Variants in DLG2 observed in about 807,000 individuals in gnomAD.
DLG2 encodes disks large homolog 2.
DLG2 carries 45 observed loss-of-function variants against 132.5 expected under a neutral mutation model. The ratio of observed to expected loss-of-function variants is 0.34; its 90% CI spans 0.27 to 0.44. The LOEUF is 0.44. Ranked by LOEUF, DLG2 falls within the 20% of genes least tolerant of loss-of-function variation. The pLI, the probability that DLG2 is intolerant of heterozygous loss-of-function variation, is 1.00. For synonymous variants in DLG2, 424 were observed against 419.6 expected (o/e 1.01, Z -0.13); for missense variants, 1,045 against 1,196.9 (o/e 0.87, Z 1.87).
rs187808890 is a variant in DLG2, at chr11:83,564,452, T to C, written c.1941-22594A>G. Among the ~76,000 whole-genome samples, 9 of 152,290 alleles carry C rather than the reference T, an allele frequency of 5.9e-5. No individual in the cohort carries two copies. In the East Asian group the frequency reaches 1.7e-3, roughly 29 times the overall value. On this transcript the variant is annotated intron_variant, in intron 19 of 27. Coordinates refer to ENST00000376104, the MANE Select transcript of DLG2 (RefSeq NM_001142699.3). The stretch of plus-strand genomic sequence containing the variant: ...CTTCACAAGGTTGCTACCTGTAAAT[T>C]GGATATTTCACTCCAGGATCTAAGT...
intron 6 of DLG2, among the ~76,000 whole-genome samples, chr11:84,671,166 C>A (rs1345048391): frequency 6.6e-6 from 1 of 151,772 alleles, no homozygotes; most frequent in Non-Finnish European, 1.5e-5. Context: ...GAGATCACAG[C>A]TCACTGCAGC....
intron 18 of DLG2, among the ~76,000 whole-genome samples, chr11:83,697,506 A>T (rs760574620): frequency 6.6e-6 from 1 of 152,200 alleles, no homozygotes; most frequent in African/African-American, 2.4e-5. Context: ...GACCACACTT[A>T]GTTCTTTAAG....
intron 6 of DLG2, among the ~76,000 whole-genome samples, chr11:84,968,153 A>C (rs2053581878): frequency 6.6e-6 from 1 of 152,222 alleles, no homozygotes; most frequent in South Asian, 2.1e-4. Flanking sequence ...GCCATAAGAC[A>C]TCCATGTAGT....
chr11:85,201,934 A>G (rs896889045), intron 4 of DLG2, among the ~76,000 whole-genome samples: 2 of 152,178 alleles, frequency 1.3e-5, no homozygotes, highest in Admixed American at 6.5e-5. Context: ...TAAAAATACA[A>G]TGAATGAAAT....
intron 3 of DLG2, among the ~76,000 whole-genome samples, chr11:85,477,130 G>A (rs1462479646): frequency 6.6e-6 from 1 of 152,090 alleles, no homozygotes; most frequent in African/African-American, 2.4e-5. Context: ...AATCATACAT[G>A]TAGTCGGCTG....
At chr11:84,243,495 G>A (rs2097262607) in intron 8 of DLG2, among the ~76,000 whole-genome samples, 1 of 152,132 alleles carries the variant, frequency 6.6e-6, no homozygotes, top group South Asian at 2.1e-4. Flanking sequence ...TGTAGTGAAG[G>A]AACAAAACAT....
At chr11:85,617,464 C>G (rs529847606) in intron 2 of DLG2, among the ~76,000 whole-genome samples, 9 of 152,242 alleles carry the variant, frequency 5.9e-5, no homozygotes, top group African/African-American at 2.2e-4. Flanking sequence ...TTGAAATTGC[C>G]TGTTTTTGCA....
chr11:84,296,854 TA>T (rs2098095589), intron 7 of DLG2, among the ~76,000 whole-genome samples: 1 of 152,218 alleles, frequency 6.6e-6, no homozygotes, highest in Non-Finnish European at 1.5e-5. Context: ...AAATTCTTTT[TA>T]GCAACTTTCC....
Position 84,948,425 on chromosome 11 carries a change from GAAGACATGACCA to G in DLG2, c.357+163224_357+163235del, listed in dbSNP as rs569416497. Among the ~76,000 whole-genome samples, 8 of 152,336 alleles carry G rather than the reference GAAGACATGACCA, an allele frequency of 5.3e-5. No homozygotes were observed. In the South Asian group the frequency reaches 1.7e-3, roughly 32 times the overall value. On this transcript the variant is annotated intron_variant, in intron 6 of 27. Coordinates refer to ENST00000376104, the MANE Select transcript of DLG2 (RefSeq NM_001142699.3). ...GTCATGTGGAAAAGTGTGGCAGACAGAAGACATGACCAAAGAAAGCAAGGGCAGGACTGGAAT... is the reference window on the plus strand; with the variant it reads ...GTCATGTGGAAAAGTGTGGCAGACAGAAGAAAGCAAGGGCAGGACTGGAAT...
At chr11:84,677,747 G>T (rs945487484) in intron 6 of DLG2, among the ~76,000 whole-genome samples, 10 of 152,066 alleles carry the variant, frequency 6.6e-5, no homozygotes, top group African/African-American at 2.2e-4. Context: ...ATAAAAATTA[G>T]CTGGGTGCAG....
intron 5 of DLG2, among the ~76,000 whole-genome samples, chr11:85,154,012 T>C (rs1021921562): frequency 6.6e-6 from 1 of 152,028 alleles, no homozygotes; most frequent in Non-Finnish European, 1.5e-5. Flanking sequence ...TTAGGACTAA[T>C]GACTTCATTT....
intron 4 of DLG2, among the ~76,000 whole-genome samples, chr11:85,219,347 C>T (rs1301485060): frequency 2.0e-5 from 3 of 152,176 alleles, no homozygotes; most frequent in African/African-American, 7.2e-5. Context: ...TCTTATAACA[C>T]TTTCATTACA....
At chr11:85,254,965 C>T (rs2076592259) in intron 4 of DLG2, among the ~76,000 whole-genome samples, 1 of 149,556 alleles carries the variant, frequency 6.7e-6, no homozygotes, top group Non-Finnish European at 1.5e-5. Context: ...CGCCACTGCA[C>T]TCCAGCCTGG....
intron 3 of DLG2, among the ~76,000 whole-genome samples, chr11:85,521,227 C>T (rs1230996284): frequency 6.6e-6 from 1 of 152,150 alleles, no homozygotes; most frequent in African/African-American, 2.4e-5. Context: ...GGAATGATTC[C>T]CCCATGCTGT....
intron 12 of DLG2, among the ~76,000 whole-genome samples, chr11:83,974,181 A>G (rs1301753639): frequency 6.6e-6 from 1 of 152,074 alleles, no homozygotes; most frequent in Non-Finnish European, 1.5e-5. Flanking sequence ...ATGCTTTAAC[A>G]TCCCATTCAT....
chr11:83,624,384 A>G (rs1211932368), intron 19 of DLG2, among the ~76,000 whole-genome samples: 1 of 152,208 alleles, frequency 6.6e-6, no homozygotes, highest in African/African-American at 2.4e-5. Context: ...CAGATCCACA[A>G]TGACTCCTCC....
At chr11:84,858,615 C>T (rs997734283) in intron 6 of DLG2, among the ~76,000 whole-genome samples, 3 of 152,018 alleles carry the variant, frequency 2.0e-5, no homozygotes, top group Admixed American at 2.0e-4. Flanking sequence ...TGGCACATGG[C>T]AGGATATTTT....
At chr11:85,529,690 A>G (rs1191819515) in intron 3 of DLG2, among the ~76,000 whole-genome samples, 1 of 152,146 alleles carries the variant, frequency 6.6e-6, no homozygotes, top group Admixed American at 6.6e-5. Flanking sequence ...AAGTTTCTTA[A>G]TCTCAGATAT....
chr11:84,212,953 C>T (rs1468110494), intron 8 of DLG2, among the ~76,000 whole-genome samples: 3 of 152,166 alleles, frequency 2.0e-5, no homozygotes, highest in Non-Finnish European at 2.9e-5. Context: ...CCGCGGCGCC[C>T]GGCCTTACTT....
Sources: gnomAD v4.1 joint callset for allele counts (sites outside exome capture counted in the v4.1 genomes callset) on GRCh38, gnomAD v4.1.1 for gene constraint, MANE v1.5 for transcripts, NCBI Gene and HGNC (gene_info 2026-07-23, HGNC 2026-07-21) for gene names.